Variants in TNS1 observed in about 807,000 individuals in gnomAD.
TNS1 encodes the protein tensin-1.
In TNS1, 62 loss-of-function variants were observed where a neutral mutation model predicts 168.6. That is an observed-to-expected ratio of 0.37 (90% CI 0.30 to 0.45). TNS1 has a LOEUF of 0.45. Among genes scored for constraint, TNS1 ranks in the 20% least tolerant of loss-of-function variants. TNS1 has a pLI of 1.00. For synonymous variants in TNS1, 934 were observed against 933.2 expected (o/e 1.00, Z -0.02); for missense variants, 2,240 against 2,339.4 (o/e 0.96, Z 0.88).
chr2:217,962,820 T>C (rs1957532201), intron 3 of TNS1, among the ~76,000 whole-genome samples: 1 of 152,128 alleles, frequency 6.6e-6, no homozygotes, highest in African/African-American at 2.4e-5. Context: ...GGAGACACGA[T>C]GACCACATGC....
At chr2:217,916,607 C>T (rs1955037121) in intron 4 of TNS1, among the ~76,000 whole-genome samples, 1 of 152,234 alleles carries the variant, frequency 6.6e-6, no homozygotes, top group Non-Finnish European at 1.5e-5. Flanking sequence ...CAGTGCCCCA[C>T]AGGAGGGTGG....
chr2:217,879,356 G>C (rs1340967440), intron 18 of TNS1: 1 of 423,506 alleles, frequency 2.4e-6, no homozygotes, highest in African/African-American at 2.1e-5. Context: ...GACCAATTAG[G>C]CTGGCAGCCA....
At chr2:218,011,953 G>A (rs918355208), upstream of TNS1, among the ~76,000 whole-genome samples, 9 of 152,196 alleles carry the variant, frequency 5.9e-5, no homozygotes, top group Non-Finnish European at 8.8e-5. Flanking sequence ...GGGGGCATCA[G>A]GGAGGTAGGA....
At chr2:217,830,239 C>T (rs10165160) in intron 22 of TNS1, 2 of 1,230,718 alleles carry the variant, frequency 1.6e-6, no homozygotes, top group African/African-American at 3.0e-5. Context: ...TGGTGAGAGG[C>T]AGCCCCCAGC....
chr2:217,820,763 A>T (rs1574624010), intron 23 of TNS1, among the ~76,000 whole-genome samples: 1 of 148,266 alleles, frequency 6.7e-6, no homozygotes, highest in Admixed American at 6.7e-5. Context: ...CTCCACCTTC[A>T]CCCCCACTAC....
chr2:217,841,143 G>A (rs1370629146), intron 19 of TNS1: 1 of 850,064 alleles, frequency 1.2e-6, no homozygotes, highest in Non-Finnish European at 1.4e-6. Context: ...AGAAACTGAT[G>A]CTCAAAAGTG....
At chr2:217,830,459 C>T in intron 22 of TNS1, 1 of 1,579,174 alleles carries the variant, frequency 6.3e-7, no homozygotes, top group African/African-American at 1.3e-5. Flanking sequence ...CAGGGAGCAG[C>T]TTTCTGAGTT....
At chr2:217,980,511 A>T (rs1321315075) in intron 2 of TNS1, among the ~76,000 whole-genome samples, 2 of 54,458 alleles carry the variant, frequency 3.7e-5, no homozygotes, top group African/African-American at 1.9e-4. Flanking sequence ...ACACACAGAG[A>T]GAGAGAGAGA....
At chr2:217,885,223 G>C (rs1265069910) in intron 15 of TNS1, 59 bp from the exon 16 acceptor site, 6 of 1,608,922 alleles carry the variant, frequency 3.7e-6, no homozygotes, top group Non-Finnish European at 5.1e-6. Flanking sequence ...TCAGGTCCCA[G>C]GGAGCCTCCT....
At chr2:217,877,302 A>G (rs1010803643) in intron 18 of TNS1, among the ~76,000 whole-genome samples, 2 of 152,178 alleles carry the variant, frequency 1.3e-5, no homozygotes, top group Non-Finnish European at 2.9e-5. Context: ...GAGCCACCTG[A>G]AGGATTATGG....
chr2:218,022,610 G>A (rs949785250), intron 1 of TNS1, among the ~76,000 whole-genome samples: 1 of 151,774 alleles, frequency 6.6e-6, no homozygotes, highest in African/African-American at 2.4e-5. Flanking sequence ...TCCACACAAA[G>A]AGCTTCACAA....
At chr2:217,910,713 T>TACACACACACAC (rs10554233) in intron 4 of TNS1, among the ~76,000 whole-genome samples, 26 of 106,732 alleles carry the variant, frequency 2.4e-4, no homozygotes, top group East Asian at 5.9e-4. Context: ...CACATACACA[T>TACACACACACAC]ACACACACAC....
intron 3 of TNS1, among the ~76,000 whole-genome samples, chr2:217,943,658 A>G (rs1289870213): frequency 1.3e-5 from 2 of 152,176 alleles, no homozygotes; most frequent in Non-Finnish European, 1.5e-5. Flanking sequence ...GGGGACTGAC[A>G]AGGTTGGCCT....
chr2:217,819,647 A>G (rs1019128969), intron 23 of TNS1, among the ~76,000 whole-genome samples: 1 of 152,198 alleles, frequency 6.6e-6, no homozygotes, highest in Non-Finnish European at 1.5e-5. Flanking sequence ...GTACAATGTG[A>G]TGGCCAGTGA....
At chr2:218,023,458 G>T (rs538914516) in intron 1 of TNS1, among the ~76,000 whole-genome samples, 1 of 152,282 alleles carries the variant, frequency 6.6e-6, no homozygotes, top group Non-Finnish European at 1.5e-5. Context: ...CTTCTGGCCT[G>T]CCTGCCAAGT....
At chr2:217,861,054 T>TAA (rs1048795159) in intron 18 of TNS1, among the ~76,000 whole-genome samples, 2 of 152,184 alleles carry the variant, frequency 1.3e-5, no homozygotes, top group Non-Finnish European at 2.9e-5. Flanking sequence ...CTGCAAATAA[T>TAA]AAGAGAGTCA....
In TNS1 at chr2:217,967,322, A is replaced by AAAAT. The variant is rs528731154; in HGVS notation, c.186+11439_186+11442dup. ...GGTGACAGAGCGAGACTCGGTCTCAAAAATAAATAAATAAATAAATAAAAA... is the reference window on the plus strand; with the variant it reads ...GGTGACAGAGCGAGACTCGGTCTCAAAAATAAATAAATAAATAAATAAATAAAAA... On this transcript the variant is annotated intron_variant, in intron 3 of 32. Transcript: ENST00000682258. 1.9e-3 allele frequency among the ~76,000 whole-genome samples: 295 copies of AAAAT among 152,216 alleles called. 1 individual carries two copies. Among genetic ancestry groups the AAAAT allele is most frequent in the Middle Eastern group, 3.4e-3 (1 of 294 alleles).
chr2:217,969,363 C>T (rs551137995), intron 3 of TNS1, among the ~76,000 whole-genome samples: 4 of 152,230 alleles, frequency 2.6e-5, no homozygotes, highest in Admixed American at 2.6e-4. Context: ...AAACTGTAAA[C>T]TCTCAGAAGA....
intron 15 of TNS1, 23 bp from the exon 16 acceptor site, chr2:217,885,187 C>A: frequency 6.2e-7 from 1 of 1,613,962 alleles, no homozygotes; most frequent in South Asian, 1.1e-5. Flanking sequence ...ACGGGCAGAA[C>A]CAGTCAGGGG....
Sources: allele counts gnomAD v4.1 joint callset (sites outside exome capture counted in the v4.1 genomes callset), GRCh38; gene constraint gnomAD v4.1.1; transcripts MANE v1.5; gene names NCBI Gene and HGNC (gene_info 2026-07-23, HGNC 2026-07-21).